Variants in LAMC2 observed in about 807,000 individuals in gnomAD.
The protein encoded by LAMC2 is laminin subunit gamma 2, also known as laminin subunit gamma-2.
In LAMC2, 97 loss-of-function variants were observed where a neutral mutation model predicts 140.2. The ratio of observed to expected loss-of-function variants is 0.69; its 90% CI spans 0.59 to 0.82. The LOEUF is 0.82. Ranked by LOEUF, LAMC2 falls within the 40% of genes least tolerant of loss-of-function variation. The pLI is 0.00. For synonymous variants in LAMC2, 513 were observed against 540.2 expected (o/e 0.95, Z 0.70); for missense variants, 1,402 against 1,476.1 (o/e 0.95, Z 0.82).
the LAMC2 span, chr1:183,250,730 G>C: frequency 2.6e-5 from 4 of 152,530 alleles, no homozygotes; most frequent in Non-Finnish European, 4.4e-5. Context: ...CCCCAAAATA[G>C]GATTTTCCTT....
At chr1:183,213,386 G>A (rs564326345) in intron 2 of LAMC2, among the ~76,000 whole-genome samples, 4 of 152,136 alleles carry the variant, frequency 2.6e-5, no homozygotes, top group Admixed American at 6.5e-5. Context: ...TATCTTTATC[G>A]ATTTGAATTC....
At chr1:183,257,191 C>A in the LAMC2 span, among the ~76,000 whole-genome samples, 1 of 151,960 alleles carries the variant, frequency 6.6e-6, no homozygotes, top group Non-Finnish European at 1.5e-5. Flanking sequence ...GCCTGTAATA[C>A]CAGCACTTTG....
chr1:183,222,925 G>A (rs1325897463), intron 6 of LAMC2, among the ~76,000 whole-genome samples: 5 of 152,250 alleles, frequency 3.3e-5, no homozygotes, highest in East Asian at 3.9e-4. Context: ...TTATAACAAG[G>A]CCCTCTTATC....
At chr1:183,245,188 TA>T (rs533014478), downstream of LAMC2, among the ~76,000 whole-genome samples, 237 of 152,348 alleles carry the variant, frequency 1.6e-3, 7 homozygotes, top group South Asian at 0.047. Flanking sequence ...TTTCATCAGC[TA>T]TAAAATGAAG....
chr1:183,246,296 TTC>T (rs1156609296), downstream of LAMC2, among the ~76,000 whole-genome samples: 4 of 152,200 alleles, frequency 2.6e-5, no homozygotes, highest in Non-Finnish European at 5.9e-5. Flanking sequence ...ATTCTCTCAT[TTC>T]TAAGGACCTG....
chr1:183,227,688 G>T lies in LAMC2; in HGVS notation c.1459G>T (p.Gly487Trp). The change falls in exon 10 of 23, where the codon GGG (glycine) becomes TGG (tryptophan). Residue 487 changes from glycine to tryptophan, a missense_variant. This residue lies in a region of LAMC2 where 723 missense variants were observed against 783.3 expected (regional missense o/e 0.92). Coordinates refer to ENST00000264144, the MANE Select transcript of LAMC2 (RefSeq NM_005562.3). ...EEVVCNNCPP[G>W]VTGARCELCA... ...GGTGGTGTGCAATAACTGCCCTCCC[G>T]GGGTCACCGGTAAGGCCATGGGTCT... 2 of 1,614,084 alleles carry T rather than the reference G, an allele frequency of 1.2e-6. No individual in the cohort carries two copies. The highest frequency in any genetic ancestry group is 1.7e-6 in the Non-Finnish European group (2 of 1,179,996).
chr1:183,226,605 G>A (rs1209866985), intron 8 of LAMC2, 93 bp from the exon 9 acceptor site: 7 of 1,084,792 alleles, frequency 6.5e-6, no homozygotes, highest in Non-Finnish European at 1.0e-5. Context: ...GTCTTTGTTA[G>A]GGAGTTAAGA....
In LAMC2 at chr1:183,243,369, G is replaced by A; in HGVS notation, c.3551G>A (p.Cys1184Tyr). The A allele has an allele frequency of 6.2e-7, 1 of 1,614,226 alleles. No homozygotes were observed. The highest frequency in any genetic ancestry group is 8.5e-7 in the Non-Finnish European group (1 of 1,180,036). The part of the protein sequence containing the change: ...ENIRDNLPPG[C>Y]YNTQALEQQ ...ATTAGGGACAACCTGCCCCCAGGCT[G>A]CTACAATACCCAGGCTCTTGAGCAA... Residue 1184 changes from cysteine to tyrosine, a missense_variant, in exon 23 of 23, where the codon TGC becomes TAC. Physicochemically the swap from Cys to Tyr is radical, Grantham distance 194 (BLOSUM62 -2). Transcript: ENST00000264144.
chr1:183,232,970 T>C, intron 14 of LAMC2, 113 bp downstream of exon 14: 1 of 981,142 alleles, frequency 1.0e-6, no homozygotes, highest in Non-Finnish European at 1.6e-6. Context: ...GTTTCTGATC[T>C]ACCTGACAGG....
At chr1:183,191,896 C>T (rs1658348464) in intron 1 of LAMC2, among the ~76,000 whole-genome samples, 1 of 151,938 alleles carries the variant, frequency 6.6e-6, no homozygotes, top group Non-Finnish European at 1.5e-5. Flanking sequence ...ATAGGAGCTC[C>T]ATAGAATCTG....
intron 1 of LAMC2, among the ~76,000 whole-genome samples, chr1:183,191,739 A>T (rs1193333654): frequency 1.3e-5 from 2 of 152,080 alleles, no homozygotes; most frequent in African/African-American, 4.8e-5. Context: ...TGTGCCTATA[A>T]TCCCAGCTAC....
chr1:183,235,721 T>C lies in LAMC2; in HGVS notation c.2447T>C (p.Leu816Pro), dbSNP rs906124469. 8 of 1,614,016 alleles carry C rather than the reference T, an allele frequency of 5.0e-6. No individual in the cohort carries two copies. Among genetic ancestry groups the C allele is most frequent in the Middle Eastern group, 1.6e-4 (1 of 6,072 alleles). The change falls in exon 16 of 23, where the codon CTT becomes CCT. Residue 816 changes from leucine to proline, a missense_variant. Coordinates refer to ENST00000264144, the MANE Select transcript of LAMC2 (RefSeq NM_005562.3). Reference protein sequence around the residue: ...GSPDGAVVQGLVEKLEKTKSL... With the variant: ...GSPDGAVVQGPVEKLEKTKSL... ...CCGGACGGTGCTGTGGTGCAAGGGC[T>C]TGTGGAAAAGTACGTTCCTACGGGT... is the stretch of plus-strand genomic sequence containing the variant.
rs1660175658 is a variant in LAMC2 at position 183,243,262 on chromosome 1, G to A, written c.3444G>A (p.Arg1148=). Residue 1148 remains arginine, a synonymous_variant, in exon 23 of 23, where the codon AGG becomes AGA. Coordinates refer to ENST00000264144, the MANE Select transcript of LAMC2 (RefSeq NM_005562.3). The part of the protein sequence containing the change: ...LRPMMSELEE[R]ARQQRGHLHL... Reference sequence around the variant, plus strand: ...CCATGATGTCAGAGCTGGAAGAGAGGGCACGTCAGCAGAGGGGCCACCTCC... The same window carrying A: ...CCATGATGTCAGAGCTGGAAGAGAGAGCACGTCAGCAGAGGGGCCACCTCC... 1.9e-6 allele frequency: 3 copies of A among 1,614,042 alleles called. No individual in the cohort carries two copies. In the South Asian group the frequency reaches 3.3e-5, roughly 18 times the overall value.
chr1:183,238,455 T>G, intron 19 of LAMC2, 34 bp downstream of exon 19: 1 of 1,420,214 alleles, frequency 7.0e-7, no homozygotes, highest in Non-Finnish European at 1.0e-6. Context: ...ACTTGAGTAT[T>G]TTAAGTGTAT....
intron 1 of LAMC2, among the ~76,000 whole-genome samples, chr1:183,194,449 A>G (rs1406322820): frequency 6.6e-6 from 1 of 152,188 alleles, no homozygotes; most frequent in Admixed American, 6.5e-5. Context: ...ATCTTTGCCT[A>G]ATCTCCTTGT....
Position 183,238,338 on chromosome 1 carries a change from T to C in LAMC2, c.2786T>C (p.Leu929Pro). Residue 929 changes from leucine (L) to proline (P), a missense_variant, in exon 19 of 23, where the codon CTT (leucine) becomes CCT (proline). Coordinates refer to ENST00000264144, the MANE Select transcript of LAMC2 (RefSeq NM_005562.3). ...KSDQLLSRAN[L>P]AKSRAQEALS... ...GATCAGCTGCTTTCCCGTGCCAATC[T>C]TGCTAAAAGCAGAGCACAAGAAGCA... 2 of 1,614,076 alleles carry C rather than the reference T, an allele frequency of 1.2e-6. No homozygotes were observed. Among genetic ancestry groups the C allele is most frequent in the Non-Finnish European group, 1.7e-6 (2 of 1,179,946 alleles).
At position 183,237,349 on chromosome 1, in the gene LAMC2, T is replaced by C. The variant is rs2102248425; in HGVS notation, c.2602-3T>C. ...AGACTCCCTGGTTTCTTTGGGCTCA[T>C]AGGTGGAAGAAGCAAAGAGGATCAA... is the stretch of plus-strand genomic sequence containing the variant. On this transcript the variant is annotated splice_polypyrimidine_tract_variant and splice_region_variant and intron_variant, in intron 17 of 22. Coordinates refer to ENST00000264144, the MANE Select transcript of LAMC2 (RefSeq NM_005562.3). The C allele has an allele frequency of 1.9e-6, 3 of 1,613,996 alleles. No individual in the cohort carries two copies. The highest frequency in any genetic ancestry group is 2.2e-5 in the East Asian group (1 of 44,872).
In LAMC2 at chr1:183,235,705, G is replaced by A. The variant is rs368527909; in HGVS notation, c.2431G>A (p.Ala811Thr). 6.2e-7 allele frequency: 1 copy of A among 1,614,220 alleles called. No homozygotes were observed. Among genetic ancestry groups the A allele is most frequent in the African/African-American group, 1.3e-5 (1 of 75,062 alleles). ...VGSGSGSPDG[A>T]VVQGLVEKLE... is the part of the protein sequence containing the mutation. ...AAGCGGAAGCGGTAGCCCGGACGGT[G>A]CTGTGGTGCAAGGGCTTGTGGAAAA... is the stretch of plus-strand genomic sequence containing the variant. Residue 811 changes from alanine to threonine, a missense_variant, in exon 16 of 23, where the codon GCT (alanine) becomes ACT (threonine). By Grantham distance (58) the Ala-to-Thr change is moderately conservative. Around this residue, in one of 3 missense-constraint regions of LAMC2, gnomAD observed 670 missense variants for 667.2 expected, o/e 1.00. Transcript: ENST00000264144.
intron 4 of LAMC2, among the ~76,000 whole-genome samples, chr1:183,220,260 G>A (rs916380876): frequency 1.7e-4 from 26 of 152,156 alleles, no homozygotes; most frequent in Admixed American, 4.6e-4. Context: ...GGCTTTTGGA[G>A]AGTGTCTTAG....
Sources: allele counts gnomAD v4.1 joint callset (sites outside exome capture counted in the v4.1 genomes callset), GRCh38; gene constraint gnomAD v4.1.1; regional missense constraint gnomAD v4.1.1; transcripts MANE v1.5; gene names NCBI Gene and HGNC (gene_info 2026-07-23, HGNC 2026-07-21).